KDM1B: variants seen among roughly 807,000 people sequenced by gnomAD.
KDM1B encodes lysine demethylase 1B.
Under a neutral mutation model 107.4 loss-of-function variants are expected in KDM1B, and 63 were observed. The ratio of observed to expected loss-of-function variants is 0.59; its 90% confidence interval spans 0.48 to 0.72. The LOEUF (loss-of-function observed/expected upper bound fraction) is 0.72. Among genes scored for constraint, KDM1B ranks in the 30% least tolerant of loss-of-function variants. KDM1B has a pLI of 0.00. For synonymous variants in KDM1B, 363 were observed against 363.9 expected, an observed-to-expected ratio of 1.00 and a Z score of 0.03; for missense variants, 749 against 1,020.8, an observed-to-expected ratio of 0.73 and a Z score of 3.63.
rs764558939 is a variant in KDM1B, at chr6:18,208,218, G to A, written c.1866+12G>A. ...ATTCTGCACAAAAGGTAAGAGCTAG[G>A]GCAGTACAAGGGTGGGTAGAAACCT... On this transcript the variant is annotated intron_variant, in intron 17 of 21. Transcript: ENST00000650836. The A allele has an allele frequency of 4.4e-6, 7 of 1,602,338 alleles. No individual in the cohort carries two copies. In the East Asian group the frequency reaches 1.6e-4, roughly 36 times the overall value.
At position 18,191,254 on chromosome 6, in the gene KDM1B, C is replaced by T. The variant is rs1369067307; in HGVS notation, c.842C>T (p.Ala281Val). ...PFYQPNECGKALCVRPDVMEL... is the reference protein window; with the variant it reads ...PFYQPNECGKVLCVRPDVMEL... ...TACCAGCCCAATGAGTGTGGCAAAG[C>T]CCTCTGTGTGAGGCCGGATGTGATG... Residue 281 changes from alanine to valine, a missense_variant, in exon 10 of 22, where the codon GCC becomes GTC. Transcript: ENST00000650836. The surrounding 1 kb of genome is among the most constrained non-coding windows in gnomAD (Gnocchi z 5.1). 1 of 1,550,528 alleles carries T rather than the reference C, an allele frequency of 6.4e-7. No homozygotes were observed. Among genetic ancestry groups the T allele is most frequent in the Non-Finnish European group, 8.7e-7 (1 of 1,147,018 alleles).
chr6:18,180,785 C>T (rs1460404068), intron 7 of KDM1B, among the ~76,000 whole-genome samples: 2 of 152,180 alleles, frequency 1.3e-5, no homozygotes, highest in African/African-American at 2.4e-5. Context: ...AGGCTGGTCT[C>T]GAACTCCTGA....
chr6:18,208,241 C>G, intron 17 of KDM1B, 35 bp downstream of exon 17: 1 of 1,484,544 alleles, frequency 6.7e-7, no homozygotes, highest in Non-Finnish European at 9.3e-7. Flanking sequence ...TGGGTAGAAA[C>G]CTTTGCTGCC....
intron 20 of KDM1B, among the ~76,000 whole-genome samples, chr6:18,215,548 G>A (rs531797171): frequency 2.6e-5 from 4 of 151,986 alleles, no homozygotes; most frequent in Admixed American, 6.6e-5. Flanking sequence ...GGCTCACCCC[G>A]GCGACCTCAC....
rs531685499 is a variant in KDM1B at position 18,199,067 on chromosome 6, A to G, written c.1222-1372A>G. Among the ~76,000 whole-genome samples, 3 of 150,278 alleles carry G rather than the reference A, an allele frequency of 2.0e-5. No individual in the cohort carries two copies. The South Asian group carries it at 6.4e-4, about 32-fold the overall frequency. ...CAGAAAATTAGCCGGGCATGGTGGT[A>G]TGCACCTGTGGCCCCAGGTATTCAA... On this transcript the variant is annotated intron_variant, in intron 12 of 21. Coordinates refer to ENST00000650836, the MANE Select transcript of KDM1B (RefSeq NM_001364614.2).
intron 21 of KDM1B, among the ~76,000 whole-genome samples, chr6:18,218,362 G>A (rs970508523): frequency 6.6e-6 from 1 of 151,996 alleles, no homozygotes; most frequent in African/African-American, 2.4e-5. Flanking sequence ...GCCTTAAGCA[G>A]TCTTCCCACC....
chr6:18,160,091 A>G, intron 3 of KDM1B, 109 bp downstream of exon 3: 2 of 671,816 alleles, frequency 3.0e-6, no homozygotes, highest in South Asian at 2.0e-5. Flanking sequence ...AGTTGCTTGT[A>G]TTCTAGGGGA....
At chr6:18,218,313 G>A (rs767908738) in intron 21 of KDM1B, among the ~76,000 whole-genome samples, 20 of 151,892 alleles carry the variant, frequency 1.3e-4, no homozygotes, top group Non-Finnish European at 2.6e-4. Flanking sequence ...TTGTAGAGAC[G>A]GGGTCCGCAG....
chr6:18,166,118 T>C, intron 5 of KDM1B, 149 bp from the exon 6 acceptor site: 1 of 571,516 alleles, frequency 1.7e-6, no homozygotes, highest in Non-Finnish European at 3.2e-6. Context: ...GCCTGTTTTA[T>C]GGGTGCCATA....
intron 7 of KDM1B, among the ~76,000 whole-genome samples, chr6:18,179,315 T>A (rs978158713): frequency 2.0e-5 from 3 of 152,234 alleles, no homozygotes; most frequent in Non-Finnish European, 4.4e-5. Flanking sequence ...TGTTAAAGAT[T>A]TTTGCATCTG....
chr6:18,210,531 A>AAT (rs1331814591), intron 17 of KDM1B, among the ~76,000 whole-genome samples: 2 of 147,206 alleles, frequency 1.4e-5, no homozygotes, highest in African/African-American at 5.0e-5. Flanking sequence ...CTAATTAAAA[A>AAT]TTTTTTTTTT....
At chr6:18,199,122 A>T (rs1787870443) in intron 12 of KDM1B, among the ~76,000 whole-genome samples, 2 of 151,380 alleles carry the variant, frequency 1.3e-5, no homozygotes, top group Non-Finnish European at 2.9e-5. Flanking sequence ...CTCTTGAGTG[A>T]AGGAGGCAGA....
At chr6:18,188,117 G>A (rs780442671) in intron 9 of KDM1B, 115 bp downstream of exon 9, 35 of 921,858 alleles carry the variant, frequency 3.8e-5, no homozygotes, top group Non-Finnish European at 5.5e-5. Flanking sequence ...GGGCACAGTG[G>A]CTCATGCCTG....
intron 14 of KDM1B, among the ~76,000 whole-genome samples, chr6:18,202,374 T>TG (rs2150981564): frequency 6.6e-6 from 1 of 152,042 alleles, no homozygotes; most frequent in South Asian, 2.1e-4. Context: ...CACTCCAGCC[T>TG]GGGCAATGAA....
intron 2 of KDM1B, among the ~76,000 whole-genome samples, chr6:18,158,323 C>CAAAA (rs56971577): frequency 1.7e-4 from 17 of 99,438 alleles, no homozygotes; most frequent in South Asian, 1.0e-3. Context: ...GACTCCTTCA[C>CAAAA]AAAAAAAAAA....
intron 21 of KDM1B, among the ~76,000 whole-genome samples, 164 bp downstream of exon 21, chr6:18,218,049 C>T (rs1789384218): frequency 6.6e-6 from 1 of 152,192 alleles, no homozygotes; most frequent in South Asian, 2.1e-4. Context: ...CAGAGGCAGC[C>T]GTTTTTAACC....
chr6:18,215,231 A>C, intron 20 of KDM1B, 102 bp downstream of exon 20: 11 of 1,338,644 alleles, frequency 8.2e-6, no homozygotes, highest in Non-Finnish European at 1.1e-5. Context: ...CACAGGAAGG[A>C]AGGCAGAGGC....
intron 12 of KDM1B, among the ~76,000 whole-genome samples, chr6:18,199,274 A>G (rs1208127802): frequency 2.0e-5 from 3 of 152,090 alleles, no homozygotes; most frequent in African/African-American, 7.2e-5. Context: ...TAGTTAGAGA[A>G]AGTGAAGAAT....
At position 18,159,821 on chromosome 6, in the gene KDM1B, C is replaced by G; in HGVS notation, c.-13-62C>G. ...ACCTACCAAAGTGTATAATAACTTG[C>G]TCCAGACTGTTAAAAATATTTGCAG... On this transcript the variant is annotated intron_variant, in intron 2 of 21. Coordinates refer to ENST00000650836, the MANE Select transcript of KDM1B (RefSeq NM_001364614.2). This position sits in a 1 kb window ranked among gnomAD's most constrained non-coding sequence, Gnocchi z 4.5. The G allele has an allele frequency of 1.2e-6, 1 of 846,066 alleles. No individual in the cohort carries two copies. The highest frequency in any genetic ancestry group is 2.0e-6 in the Non-Finnish European group (1 of 503,972). The allele number at this position is 846,066 out of a possible 1,614,324, so 52.4% of individuals were successfully genotyped here.
Sources: allele counts gnomAD v4.1 joint callset (sites outside exome capture counted in the v4.1 genomes callset), GRCh38; gene constraint gnomAD v4.1.1; non-coding constraint Gnocchi (gnomAD v3.1); transcripts MANE v1.5; gene names NCBI Gene and HGNC (gene_info 2026-07-23, HGNC 2026-07-21).